Variants in PPARGC1A observed in about 807,000 individuals in gnomAD.
The protein encoded by PPARGC1A is PPARG coactivator 1 alpha.
PPARGC1A carries 25 observed loss-of-function variants against 88.7 expected under a neutral mutation model. That is an observed-to-expected ratio of 0.28 (90% CI 0.21 to 0.39). The LOEUF is 0.39. PPARGC1A is among the 10% of genes least tolerant of loss of function. The pLI, the probability that PPARGC1A is intolerant of heterozygous loss-of-function variation, is 1.00. For synonymous variants in PPARGC1A, 363 were observed against 355.6 expected, an observed-to-expected ratio of 1.02 and a Z score of -0.24; for missense variants, 880 against 968.7, an observed-to-expected ratio of 0.91 and a Z score of 1.22.
chr4:24,307,874 C>T, the PPARGC1A span, among the ~76,000 whole-genome samples: 6 of 152,176 alleles, frequency 3.9e-5, no homozygotes, highest in Non-Finnish European at 4.4e-5. Flanking sequence ...ATATTCTTTC[C>T]GTCACCCTTT....
At chr4:24,104,830 G>A in the PPARGC1A span, among the ~76,000 whole-genome samples, 31 of 152,294 alleles carry the variant, frequency 2.0e-4, no homozygotes, top group African/African-American at 7.2e-4. Flanking sequence ...AAAGGAATCT[G>A]CAGATGGAGA....
At chr4:24,339,223 T>TACAC in the PPARGC1A span, among the ~76,000 whole-genome samples, 1,294 of 72,364 alleles carry the variant, frequency 0.018, 10 homozygotes, top group Middle Eastern at 0.045. Flanking sequence ...TATATATATA[T>TACAC]ATATATATAT....
chr4:24,227,022 G>A, the PPARGC1A span, among the ~76,000 whole-genome samples: 1 of 152,184 alleles, frequency 6.6e-6, no homozygotes, highest in East Asian at 1.9e-4. Context: ...GAAACAATGA[G>A]GAAAACCACA....
At chr4:23,934,188 C>T in the PPARGC1A span, among the ~76,000 whole-genome samples, 7 of 152,136 alleles carry the variant, frequency 4.6e-5, no homozygotes, top group Non-Finnish European at 5.9e-5. Flanking sequence ...GCTGCCCTGT[C>T]TTGGTGTAAT....
At chr4:23,870,728 T>G (rs1713130362) in intron 2 of PPARGC1A, among the ~76,000 whole-genome samples, 1 of 152,190 alleles carries the variant, frequency 6.6e-6, no homozygotes, top group Non-Finnish European at 1.5e-5. Flanking sequence ...CAGAGACATT[T>G]TAAAAACAGT....
the PPARGC1A span, among the ~76,000 whole-genome samples, chr4:24,057,056 T>C: frequency 6.6e-6 from 1 of 152,210 alleles, no homozygotes; most frequent in African/African-American, 2.4e-5. Context: ...GTAACTCAAG[T>C]ATCCATCAAT....
chr4:24,370,749 C>CTTTTTTTTTTTT, the PPARGC1A span, among the ~76,000 whole-genome samples: 4 of 62,870 alleles, frequency 6.4e-5, 1 homozygote, highest in African/African-American at 1.5e-4. Context: ...CTGTCTCTCT[C>CTTTTTTTTTTTT]TTTTTTTTTT....
intron 2 of PPARGC1A, among the ~76,000 whole-genome samples, chr4:23,849,352 A>C (rs1156704135): frequency 6.6e-6 from 1 of 152,216 alleles, no homozygotes; most frequent in African/African-American, 2.4e-5. Flanking sequence ...TGCCATGTGA[A>C]CTTAATCTGT....
At chr4:24,408,164 C>T in the PPARGC1A span, among the ~76,000 whole-genome samples, 180 of 151,684 alleles carry the variant, frequency 1.2e-3, no homozygotes, top group Admixed American at 8.3e-3. Flanking sequence ...TAAAAGGGAC[C>T]GAGGAACATC....
chr4:24,253,305 A>G, the PPARGC1A span, among the ~76,000 whole-genome samples: 1 of 152,212 alleles, frequency 6.6e-6, no homozygotes, highest in Non-Finnish European at 1.5e-5. Context: ...TTTTGAGACT[A>G]AGAATTTAGG....
the PPARGC1A span, among the ~76,000 whole-genome samples, chr4:24,441,552 T>C: frequency 2.0e-5 from 3 of 151,936 alleles, no homozygotes; most frequent in African/African-American, 4.8e-5. Context: ...TTACAGGACA[T>C]AGGAGGAGGG....
the PPARGC1A span, among the ~76,000 whole-genome samples, chr4:24,009,150 A>AGAG: frequency 3.8e-5 from 3 of 79,798 alleles, no homozygotes; most frequent in African/African-American, 1.8e-4. Flanking sequence ...AAAAAAAAAA[A>AGAG]AGAGAGAGAA....
intron 10 of PPARGC1A, among the ~76,000 whole-genome samples, chr4:23,812,144 T>C (rs1721026099): frequency 1.3e-5 from 2 of 151,882 alleles, no homozygotes; most frequent in South Asian, 2.1e-4. Context: ...CTGTTTCCTA[T>C]GTTGGCCAGG....
chr4:24,206,722 C>T, the PPARGC1A span, among the ~76,000 whole-genome samples: 2 of 151,794 alleles, frequency 1.3e-5, no homozygotes, highest in African/African-American at 4.8e-5. Context: ...TGCCTGTAAT[C>T]CCAGCTACTC....
chr4:24,239,585 G>T, the PPARGC1A span, among the ~76,000 whole-genome samples: 1 of 152,120 alleles, frequency 6.6e-6, no homozygotes, highest in Non-Finnish European at 1.5e-5. Flanking sequence ...GGGTAATGAG[G>T]ATCACAAACT....
At chr4:23,805,019 C>T (rs1438909325) in intron 10 of PPARGC1A, among the ~76,000 whole-genome samples, 1 of 152,170 alleles carries the variant, frequency 6.6e-6, no homozygotes, top group Non-Finnish European at 1.5e-5. Context: ...CATATCTGTT[C>T]TATTCACTAC....
the PPARGC1A span, among the ~76,000 whole-genome samples, chr4:24,242,322 GC>G: frequency 6.6e-6 from 1 of 152,136 alleles, no homozygotes; most frequent in Non-Finnish European, 1.5e-5. Context: ...TCGTCCTGAC[GC>G]CCACCCCCAG....
intron 12 of PPARGC1A, among the ~76,000 whole-genome samples, chr4:23,799,607 C>T (rs1286731696): frequency 6.6e-6 from 1 of 152,212 alleles, no homozygotes; most frequent in African/African-American, 2.4e-5. Flanking sequence ...AAAAATCCAT[C>T]CTACTACAAT....
chr4:24,172,144 C>A, the PPARGC1A span, among the ~76,000 whole-genome samples: 14 of 152,256 alleles, frequency 9.2e-5, no homozygotes, highest in African/African-American at 3.4e-4. Context: ...TGGGGCCAAG[C>A]CTCAAGGCTC....
Sources: allele counts gnomAD v4.1 joint callset (sites outside exome capture counted in the v4.1 genomes callset), GRCh38; gene constraint gnomAD v4.1.1; transcripts MANE v1.5; gene names NCBI Gene and HGNC (gene_info 2026-07-23, HGNC 2026-07-21).